Variants in FOXP2 observed in about 807,000 individuals in gnomAD.
FOXP2 encodes forkhead box P2.
A neutral mutation model predicts 115.8 loss-of-function variants in FOXP2; 12 were observed. The observed-to-expected ratio is 0.10, with a 90% CI of 0.07 to 0.17. FOXP2 has a LOEUF of 0.17. Among genes scored for constraint, FOXP2 ranks in the 10% least tolerant of loss-of-function variants. The pLI is 1.00. For synonymous variants in FOXP2, 328 were observed against 297.7 expected, an observed-to-expected ratio of 1.10 and a Z score of -1.05; for missense variants, 629 against 843.5, an observed-to-expected ratio of 0.75 and a Z score of 3.15.
At chr7:114,173,453 G>A (rs1208516395) in intron 1 of FOXP2, among the ~76,000 whole-genome samples, 1 of 149,058 alleles carries the variant, frequency 6.7e-6, no homozygotes, top group Non-Finnish European at 1.5e-5. Context: ...AGGAGTGAAC[G>A]TCATCTTATT....
At chr7:114,405,374 G>C (rs1277097820) in intron 2 of FOXP2, among the ~76,000 whole-genome samples, 1 of 151,814 alleles carries the variant, frequency 6.6e-6, no homozygotes, top group East Asian at 1.9e-4. Flanking sequence ...AATAAACTAT[G>C]AGTAAAACAA....
intron 2 of FOXP2, among the ~76,000 whole-genome samples, chr7:114,397,803 A>G (rs997099501): frequency 5.3e-5 from 8 of 152,212 alleles, no homozygotes; most frequent in African/African-American, 1.9e-4. Flanking sequence ...GAGCAAGAGC[A>G]TAGCAGGGCT....
chr7:114,494,203 CTT>C (rs1393803711), intron 2 of FOXP2, among the ~76,000 whole-genome samples: 1 of 152,060 alleles, frequency 6.6e-6, no homozygotes, highest in Non-Finnish European at 1.5e-5. Context: ...TTTATAAAAA[CTT>C]AAAGTATTGA....
intron 1 of FOXP2, among the ~76,000 whole-genome samples, chr7:114,126,809 G>A (rs963804553): frequency 6.6e-6 from 1 of 152,044 alleles, no homozygotes; most frequent in Non-Finnish European, 1.5e-5. Flanking sequence ...AATAACCCTC[G>A]GGTTTAGACC....
upstream of FOXP2, chr7:114,414,406 AG>A: frequency 6.6e-6 from 1 of 152,566 alleles, no homozygotes; most frequent in Non-Finnish European, 1.5e-5. Flanking sequence ...AAATTGACAA[AG>A]GATTGACAAA....
intron 1 of FOXP2, among the ~76,000 whole-genome samples, chr7:114,180,395 A>C (rs1456562169): frequency 6.6e-6 from 1 of 151,524 alleles, no homozygotes; most frequent in Admixed American, 6.6e-5. Context: ...CACTCTGTAC[A>C]TTATTCTAGA....
chr7:114,616,381 T>C (rs986435027), intron 3 of FOXP2, among the ~76,000 whole-genome samples: 2 of 152,178 alleles, frequency 1.3e-5, no homozygotes, highest in African/African-American at 4.8e-5. Context: ...CAAGCTGGTC[T>C]CGAACTCCTG....
At chr7:114,509,057 T>C (rs1562966554) in intron 2 of FOXP2, among the ~76,000 whole-genome samples, 1 of 151,988 alleles carries the variant, frequency 6.6e-6, no homozygotes, top group Non-Finnish European at 1.5e-5. Context: ...TGTGCAATGG[T>C]GTTAAGATGG....
intron 1 of FOXP2, among the ~76,000 whole-genome samples, chr7:114,147,041 G>A (rs1474204179): frequency 6.6e-6 from 1 of 152,120 alleles, no homozygotes; most frequent in Non-Finnish European, 1.5e-5. Flanking sequence ...TGAATACTCA[G>A]AAATTACATG....
At chr7:114,538,507 T>G in intron 3 of FOXP2, 1 of 495,716 alleles carries the variant, frequency 2.0e-6, no homozygotes, top group South Asian at 2.0e-5. Flanking sequence ...AATTATAAAA[T>G]TTTTATAATT....
chr7:114,371,232 C>T (rs1486552633), intron 2 of FOXP2, among the ~76,000 whole-genome samples: 1 of 150,484 alleles, frequency 6.6e-6, no homozygotes, highest in Non-Finnish European at 1.5e-5. Flanking sequence ...AGGCACATGC[C>T]ACCATGTCCA....
chr7:114,654,334 C>T (rs567182291), intron 10 of FOXP2, among the ~76,000 whole-genome samples: 20 of 152,178 alleles, frequency 1.3e-4, no homozygotes, highest in African/African-American at 4.6e-4. Context: ...CTTTGAGCAA[C>T]CTGAAAAGTA....
chr7:114,271,214 C>A (rs1263602476), intron 1 of FOXP2, among the ~76,000 whole-genome samples: 1 of 151,708 alleles, frequency 6.6e-6, no homozygotes, highest in East Asian at 1.9e-4. Context: ...CCAATCATGT[C>A]TTCTGCAAAC....
intron 8 of FOXP2, chr7:114,645,037 A>G (rs1805798595): frequency 8.9e-6 from 3 of 337,962 alleles, no homozygotes; most frequent in South Asian, 8.7e-5. Flanking sequence ...ATAATATGTC[A>G]TTAATCACTG....
intron 2 of FOXP2, among the ~76,000 whole-genome samples, chr7:114,394,186 C>T (rs774475252): frequency 1.3e-5 from 2 of 151,896 alleles, no homozygotes; most frequent in Admixed American, 6.6e-5. Context: ...ATAAAATAAG[C>T]CTGGAGCATC....
intron 6 of FOXP2, 37 bp downstream of exon 6, chr7:114,631,742 C>T (rs1380357301): frequency 6.2e-7 from 1 of 1,603,700 alleles, no homozygotes; most frequent in Admixed American, 1.7e-5. Flanking sequence ...CATTTCAAAT[C>T]TTGTACTTTC....
intron 1 of FOXP2, among the ~76,000 whole-genome samples, chr7:114,247,906 T>A (rs545283343): frequency 1.3e-4 from 20 of 152,134 alleles, no homozygotes; most frequent in African/African-American, 4.6e-4. Flanking sequence ...TAGGTAAACG[T>A]GCATGCGGAT....
At chr7:114,534,775 AC>A (rs764519969) in intron 3 of FOXP2, 69 bp downstream of exon 3, 14 of 1,186,454 alleles carry the variant, frequency 1.2e-5, no homozygotes, top group Non-Finnish European at 1.5e-5. Flanking sequence ...AGATGTGCAG[AC>A]CCACTTGTAT....
chr7:114,143,125 G>A (rs1792267239), intron 1 of FOXP2, among the ~76,000 whole-genome samples: 1 of 148,948 alleles, frequency 6.7e-6, no homozygotes, highest in South Asian at 2.1e-4. Flanking sequence ...TCCAGCCTGG[G>A]GGACAGAGCA....
Sources: allele counts gnomAD v4.1 joint callset (sites outside exome capture counted in the v4.1 genomes callset), GRCh38; gene constraint gnomAD v4.1.1; transcripts MANE v1.5; gene names NCBI Gene and HGNC (gene_info 2026-07-23, HGNC 2026-07-21).